Variants in SNTG1 observed in about 807,000 individuals in gnomAD.
SNTG1 encodes syntrophin gamma 1.
SNTG1 carries 39 observed loss-of-function variants against 74.7 expected under a neutral mutation model. The observed-to-expected ratio is 0.52, with a 90% CI of 0.40 to 0.68. The LOEUF is 0.68. SNTG1 is among the 30% of genes least tolerant of loss of function. The probability of loss-of-function intolerance (pLI) is 0.00; values close to 1 mark genes in which losing one functional copy is unlikely to be tolerated. For missense variants in SNTG1, 685 were observed against 609.5 expected, an observed-to-expected ratio of 1.12 and a Z score of -1.30; for synonymous variants, 254 against 217.1, an observed-to-expected ratio of 1.17 and a Z score of -1.49.
intron 2 of SNTG1, among the ~76,000 whole-genome samples, chr8:50,358,647 A>G (rs11989227): frequency 0.06 from 9,073 of 152,322 alleles, 310 homozygotes; most frequent in Non-Finnish European, 0.071. Flanking sequence ...GATAATTTTC[A>G]TAACTATAAA....
chr8:50,792,761 G>C lies in SNTG1; in HGVS notation c.1486G>C (p.Gly496Arg). 1 of 1,612,412 alleles carries C rather than the reference G, an allele frequency of 6.2e-7. No individual in the cohort carries two copies. Among genetic ancestry groups the C allele is most frequent in the Non-Finnish European group, 8.5e-7 (1 of 1,178,972 alleles). ...KVACLDPLFL[G>R]NQATASTAAS... The stretch of plus-strand genomic sequence containing the variant: ...AGCTTGTTTGGACCCTCTATTTTTA[G>C]GCAATCAAGCTACTGCTTCTACTGC... Residue 496 changes from glycine to arginine, a missense_variant, in exon 19 of 19, where the codon GGC (glycine) becomes CGC (arginine). Gly to Arg is a moderately radical substitution (Grantham distance 125). Transcript: ENST00000642720.
intron 15 of SNTG1, among the ~76,000 whole-genome samples, chr8:50,694,376 A>C (rs2095395516): frequency 6.6e-6 from 1 of 152,130 alleles, no homozygotes; most frequent in Admixed American, 6.5e-5. Flanking sequence ...CAACCTACTA[A>C]GAGTAAATGC....
At chr8:50,120,588 CA>C (rs5891349) in intron 1 of SNTG1, among the ~76,000 whole-genome samples, 108,571 of 139,062 alleles carry the variant, frequency 0.78, 46,259 homozygotes, top group East Asian at 0.99. Context: ...ACTACCACCA[CA>C]AACTACTACT....
intron 13 of SNTG1, among the ~76,000 whole-genome samples, chr8:50,642,313 G>C (rs934956450): frequency 6.6e-6 from 1 of 152,038 alleles, no homozygotes; most frequent in African/African-American, 2.4e-5. Context: ...TTCTAAACAG[G>C]CCTTCTTGCT....
At chr8:50,429,976 A>G (rs1226478221) in intron 4 of SNTG1, among the ~76,000 whole-genome samples, 1 of 152,174 alleles carries the variant, frequency 6.6e-6, no homozygotes, top group Non-Finnish European at 1.5e-5. Context: ...GAGAATATGG[A>G]GAAATTGAAA....
At chr8:49,990,644 T>A (rs1484330528) in intron 1 of SNTG1, among the ~76,000 whole-genome samples, 1 of 152,140 alleles carries the variant, frequency 6.6e-6, no homozygotes, top group African/African-American at 2.4e-5. Flanking sequence ...TGAGATTCCA[T>A]AAATAAACAC....
At chr8:50,186,134 G>A (rs1453913732) in intron 2 of SNTG1, among the ~76,000 whole-genome samples, 1 of 152,102 alleles carries the variant, frequency 6.6e-6, no homozygotes, top group Admixed American at 6.6e-5. Context: ...TGCTGAGGAT[G>A]ATGGCTGCCA....
In SNTG1 at chr8:50,718,031, C is replaced by T. The variant is rs372388562; in HGVS notation, c.1284+9053C>T. On this transcript the variant is annotated intron_variant, in intron 17 of 18. Transcript: ENST00000642720. ...TTTGGAGGTCTCTGTCCTTTTAGCC[C>T]AATGAAGATTGATGTTGAACAAGTA... 2.0e-4 allele frequency among the ~76,000 whole-genome samples: 31 copies of T among 152,160 alleles called. 1 individual carries two copies. Among genetic ancestry groups the T allele is most frequent in the African/African-American group, 7.5e-4 (31 of 41,502 alleles).
chr8:50,758,880 C>A (rs938883334), intron 18 of SNTG1, among the ~76,000 whole-genome samples: 2 of 152,028 alleles, frequency 1.3e-5, no homozygotes, highest in African/African-American at 2.4e-5. Context: ...GGTTCTAGAG[C>A]CTTGAGGAAT....
chr8:50,112,501 G>A (rs2080632037), intron 1 of SNTG1, among the ~76,000 whole-genome samples: 1 of 135,698 alleles, frequency 7.4e-6, no homozygotes, highest in Non-Finnish European at 1.6e-5. Flanking sequence ...GCATACACAA[G>A]TATTTAGTTC....
chr8:50,751,150 G>A (rs901391934), intron 17 of SNTG1, among the ~76,000 whole-genome samples: 4 of 151,980 alleles, frequency 2.6e-5, no homozygotes, highest in African/African-American at 7.2e-5. Flanking sequence ...CATATTTAAT[G>A]AGATAAAGGT....
At chr8:50,045,083 G>A (rs953678960) in intron 1 of SNTG1, among the ~76,000 whole-genome samples, 2 of 152,188 alleles carry the variant, frequency 1.3e-5, no homozygotes, top group Non-Finnish European at 2.9e-5. Context: ...AGTGTTAGGA[G>A]ACAGTAGGGT....
chr8:50,413,259 T>C lies in SNTG1; in HGVS notation c.162+10915T>C, dbSNP rs189670804. Among the ~76,000 whole-genome samples the C allele has an allele frequency of 2.2e-3, 342 of 152,300 alleles. 4 individuals carry two copies. The highest frequency in any genetic ancestry group is 5.1e-4 in the Non-Finnish European group (35 of 68,008). The stretch of plus-strand genomic sequence containing the variant: ...TAGATAGAGATGGATGATAGATGCA[T>C]AGAGGCATAGATGGATGACAGATAT... On this transcript the variant is annotated intron_variant, in intron 4 of 18. Transcript: ENST00000642720.
chr8:50,106,902 A>C (rs574682859), intron 1 of SNTG1, among the ~76,000 whole-genome samples: 1 of 152,322 alleles, frequency 6.6e-6, no homozygotes, highest in South Asian at 2.1e-4. Flanking sequence ...TAATCACAAT[A>C]GCAATTCATA....
chr8:50,379,337 A>G (rs1256218465), intron 2 of SNTG1, among the ~76,000 whole-genome samples: 4 of 152,116 alleles, frequency 2.6e-5, no homozygotes, highest in Non-Finnish European at 5.9e-5. Context: ...GGGGGCCTTC[A>G]TGGGCCCCCA....
At chr8:50,701,003 G>A (rs2095421723) in intron 15 of SNTG1, among the ~76,000 whole-genome samples, 1 of 152,068 alleles carries the variant, frequency 6.6e-6, no homozygotes. Flanking sequence ...AAGAGCAAAG[G>A]AGTAAAGTTT....
chr8:50,577,275 C>T (rs1008964896), intron 12 of SNTG1, among the ~76,000 whole-genome samples: 2 of 152,018 alleles, frequency 1.3e-5, no homozygotes, highest in African/African-American at 4.8e-5. Context: ...TGAACTACTT[C>T]GATTGATTTT....
chr8:50,674,266 G>T (rs2095299431), intron 15 of SNTG1, among the ~76,000 whole-genome samples: 1 of 152,000 alleles, frequency 6.6e-6, no homozygotes, highest in Non-Finnish European at 1.5e-5. Context: ...GCTCCTTTTT[G>T]TACCTCTGGT....
chr8:50,483,113 G>C (rs745955827), intron 8 of SNTG1, among the ~76,000 whole-genome samples: 3 of 152,140 alleles, frequency 2.0e-5, no homozygotes, highest in Non-Finnish European at 4.4e-5. Context: ...TTTCATATAA[G>C]TAAAATGGGG....
Sources: allele counts gnomAD v4.1 joint callset (sites outside exome capture counted in the v4.1 genomes callset), GRCh38; gene constraint gnomAD v4.1.1; transcripts MANE v1.5; gene names NCBI Gene and HGNC (gene_info 2026-07-23, HGNC 2026-07-21).